The following TENM2 variants were observed in gnomAD, a reference collection of about 807,000 sequenced individuals.
TENM2 encodes the protein teneurin-2.
TENM2 carries 52 observed loss-of-function variants against 245.2 expected under a neutral mutation model. The ratio of observed to expected loss-of-function variants is 0.21; its 90% confidence interval spans 0.17 to 0.27. The LOEUF is 0.27. Among genes scored for constraint, TENM2 ranks in the 10% least tolerant of loss-of-function variants. The pLI is 1.00. For missense variants in TENM2, 3,046 were observed against 3,666.8 expected (o/e 0.83, Z 4.37); for synonymous variants, 1,363 against 1,438.9 (o/e 0.95, Z 1.19).
the TENM2 span, among the ~76,000 whole-genome samples, chr5:167,278,527 C>T: frequency 6.6e-6 from 1 of 151,976 alleles, no homozygotes; most frequent in East Asian, 1.9e-4. Context: ...TTCCCACTTC[C>T]TTATGGGTTA....
intron 2 of TENM2, among the ~76,000 whole-genome samples, chr5:167,478,876 C>A (rs1767569124): frequency 6.6e-6 from 1 of 152,122 alleles, no homozygotes; most frequent in South Asian, 2.1e-4. Context: ...CCTTAATGTT[C>A]ATTGAGCACC....
intron 2 of TENM2, among the ~76,000 whole-genome samples, chr5:167,584,875 AG>A (rs1213247111): frequency 6.6e-6 from 1 of 150,692 alleles, no homozygotes; most frequent in Non-Finnish European, 1.5e-5. Context: ...TTATATTTTT[AG>A]TAGATTTGGG....
At chr5:167,903,169 G>C (rs1326584240) in intron 3 of TENM2, among the ~76,000 whole-genome samples, 1 of 152,094 alleles carries the variant, frequency 6.6e-6, no homozygotes, top group Non-Finnish European at 1.5e-5. Context: ...CTTCATGCAA[G>C]AAAAGAGTAA....
chr5:168,238,251 AAAG>A (rs1765746652), intron 25 of TENM2, among the ~76,000 whole-genome samples: 1 of 146,132 alleles, frequency 6.8e-6, no homozygotes. Flanking sequence ...AAAGAAAAGA[AAAG>A]AAAAGAAAAG....
chr5:167,929,185 A>G, intron 3 of TENM2, among the ~76,000 whole-genome samples: 1 of 148,374 alleles, frequency 6.7e-6, no homozygotes, highest in Non-Finnish European at 1.5e-5. Context: ...GAAGGAAGGA[A>G]AAAGGAAGGA....
rs1370814868 is a variant in TENM2, at chr5:167,427,507, AAGGGAAGGAAGGGAGGG to A, written c.502+52044_502+52060del. 7.5e-5 allele frequency among the ~76,000 whole-genome samples: 11 copies of A among 147,270 alleles called. No homozygotes were observed. The East Asian group carries it at 1.9e-3, about 26-fold the overall frequency. Reference sequence around the variant, plus strand: ...GGGAAGCAAGGGGAGGAAGAGAAGGAAGGGAAGGAAGGGAGGGAGGGAAGGATGGGAAGGAAGGGAAG... The same window carrying A: ...GGGAAGCAAGGGGAGGAAGAGAAGGAAGGGAAGGATGGGAAGGAAGGGAAG... On this transcript the variant is annotated intron_variant, in intron 2 of 28. Coordinates refer to ENST00000518659, the Ensembl canonical transcript of TENM2.
chr5:168,225,424 T>G (rs1043161393), intron 23 of TENM2, among the ~76,000 whole-genome samples: 3 of 151,842 alleles, frequency 2.0e-5, no homozygotes, highest in African/African-American at 7.3e-5. Flanking sequence ...AAACTGCTAT[T>G]TGGGGAATAT....
At chr5:167,595,722 G>A (rs936001263) in intron 2 of TENM2, among the ~76,000 whole-genome samples, 3 of 152,192 alleles carry the variant, frequency 2.0e-5, no homozygotes, top group Non-Finnish European at 4.4e-5. Context: ...CAAACTAACA[G>A]CTGGTTTTGA....
At chr5:167,640,868 T>TATATATCC (rs1779532077) in intron 2 of TENM2, among the ~76,000 whole-genome samples, 1 of 34,826 alleles carries the variant, frequency 2.9e-5, no homozygotes, top group African/African-American at 2.9e-4. Flanking sequence ...TCCATATATA[T>TATATATCC]ATATATATAT....
At chr5:167,150,005 A>G in the TENM2 span, among the ~76,000 whole-genome samples, 4 of 152,196 alleles carry the variant, frequency 2.6e-5, no homozygotes, top group Non-Finnish European at 5.9e-5. Flanking sequence ...AAGGAAGGAC[A>G]GGACAAGGAA....
At chr5:168,009,858 T>C (rs561389016) in intron 5 of TENM2, among the ~76,000 whole-genome samples, 2 of 152,320 alleles carry the variant, frequency 1.3e-5, no homozygotes, top group South Asian at 4.1e-4. Flanking sequence ...AGACATCCCA[T>C]TTCTGTGGAG....
At chr5:168,149,339 G>T (rs944568614) in intron 12 of TENM2, 51 of 456,508 alleles carry the variant, frequency 1.1e-4, no homozygotes, top group Admixed American at 1.1e-3. Context: ...GGAGAGGAGG[G>T]CAGAATCCTC....
At chr5:167,420,400 T>C (rs1228831523) in intron 2 of TENM2, among the ~76,000 whole-genome samples, 5 of 152,178 alleles carry the variant, frequency 3.3e-5, no homozygotes, top group African/African-American at 9.6e-5. Context: ...GTAATAAGTA[T>C]GATGGCAAGT....
the TENM2 span, among the ~76,000 whole-genome samples, chr5:167,115,097 CG>C: frequency 3.3e-5 from 5 of 152,118 alleles, no homozygotes; most frequent in African/African-American, 9.7e-5. Context: ...CAAGATCATA[CG>C]TTTAAAAATA....
At chr5:168,231,732 GCAATATAGCAAAACCC>G (rs1764928305) in intron 25 of TENM2, among the ~76,000 whole-genome samples, 1 of 148,192 alleles carries the variant, frequency 6.7e-6, no homozygotes, top group Admixed American at 6.7e-5. Flanking sequence ...TAGCAAAACC[GCAATATAGCAAAACCC>G]TGTCTCTACA....
chr5:167,434,139 G>C (rs941632781), intron 2 of TENM2, among the ~76,000 whole-genome samples: 1 of 151,826 alleles, frequency 6.6e-6, no homozygotes, highest in East Asian at 1.9e-4. Flanking sequence ...CAGATAATTA[G>C]GGCTGGGCGC....
At chr5:167,225,639 G>A in the TENM2 span, among the ~76,000 whole-genome samples, 1 of 151,846 alleles carries the variant, frequency 6.6e-6, no homozygotes, top group Non-Finnish European at 1.5e-5. Flanking sequence ...TTTTTGTTAT[G>A]TTCTTGTCTG....
At chr5:166,995,322 C>T in the TENM2 span, among the ~76,000 whole-genome samples, 1 of 151,946 alleles carries the variant, frequency 6.6e-6, no homozygotes, top group Admixed American at 6.6e-5. Flanking sequence ...TCACTGCAAG[C>T]TCCCCCTCCC....
the TENM2 span, among the ~76,000 whole-genome samples, chr5:167,140,445 T>C: frequency 6.6e-6 from 1 of 152,174 alleles, no homozygotes; most frequent in Non-Finnish European, 1.5e-5. Flanking sequence ...CTCTTACTGG[T>C]TTGTTATTCA....
Sources: allele counts gnomAD v4.1 joint callset (sites outside exome capture counted in the v4.1 genomes callset), GRCh38; gene constraint gnomAD v4.1.1; transcripts MANE v1.5; gene names NCBI Gene and HGNC (gene_info 2026-07-23, HGNC 2026-07-21).